PEX13: variants seen among roughly 807,000 people sequenced by gnomAD.
The protein encoded by PEX13 is peroxisome biogenesis factor 13.
In PEX13, 28 loss-of-function variants were observed where a neutral mutation model predicts 34.5. The observed-to-expected ratio is 0.81, with a 90% CI of 0.60 to 1.11. The LOEUF (loss-of-function observed/expected upper bound fraction) is 1.11, where lower values mean the gene tolerates loss of function less well. PEX13 is among the 50% of genes most tolerant of loss of function. The pLI is 0.00. For synonymous variants in PEX13, 177 were observed against 175.1 expected, an observed-to-expected ratio of 1.01 and a Z score of -0.09; for missense variants, 550 against 491.0, an observed-to-expected ratio of 1.12 and a Z score of -1.13.
chr2:61,040,935 G>C (rs565801430), intron 2 of PEX13, among the ~76,000 whole-genome samples: 1 of 151,632 alleles, frequency 6.6e-6, no homozygotes, highest in Non-Finnish European at 1.5e-5. Context: ...GGGCAGAAGA[G>C]ACCAATCAGG....
chr2:61,027,517 A>G (rs1355763776), intron 1 of PEX13, among the ~76,000 whole-genome samples: 1 of 152,188 alleles, frequency 6.6e-6, no homozygotes, highest in Non-Finnish European at 1.5e-5. Flanking sequence ...CAAATTTTAT[A>G]ATCTCTTTGT....
intron 1 of PEX13, among the ~76,000 whole-genome samples, chr2:61,026,030 C>T (rs544226625): frequency 6.6e-6 from 1 of 152,196 alleles, no homozygotes; most frequent in South Asian, 2.1e-4. Flanking sequence ...TCAACCATCT[C>T]TTCTGGAATT....
chr2:61,018,369 T>A, intron 1 of PEX13: 1 of 1,483,080 alleles, frequency 6.7e-7, no homozygotes, highest in Non-Finnish European at 9.0e-7. Flanking sequence ...AGCCAGTGTT[T>A]CGGATCGAGA....
intron 2 of PEX13, among the ~76,000 whole-genome samples, chr2:61,042,450 CAT>C (rs1245551384): frequency 2.6e-5 from 4 of 151,878 alleles, no homozygotes; most frequent in African/African-American, 9.7e-5. Flanking sequence ...CTTTGAGTGT[CAT>C]ATTTTCAAGG....
At chr2:61,018,533 C>T (rs1172946041) in intron 1 of PEX13, 5 of 349,202 alleles carry the variant, frequency 1.4e-5, no homozygotes, top group Non-Finnish European at 2.6e-5. Flanking sequence ...AAGGCTAAAA[C>T]ATGCAGAGTT....
Position 61,029,709 on chromosome 2 carries a change from G to A in PEX13, c.93-1710G>A, listed in dbSNP as rs544052882. Among the ~76,000 whole-genome samples the A allele has an allele frequency of 2.0e-5, 3 of 152,174 alleles. No individual in the cohort carries two copies. In the East Asian group the frequency reaches 5.8e-4, roughly 29 times the overall value. On this transcript the variant is annotated intron_variant, in intron 1 of 3. Transcript: ENST00000295030. ...CACCTGTTATCCTGACATTTTGGGA[G>A]GCTGAGGTGGGAGGATCACTTGAGG...
chr2:61,028,799 T>C (rs571754890), intron 1 of PEX13, among the ~76,000 whole-genome samples: 1 of 152,280 alleles, frequency 6.6e-6, no homozygotes, highest in African/African-American at 2.4e-5. Context: ...ACCAACCAAA[T>C]GCAGTGTGTG....
At chr2:61,042,978 G>A (rs1383523927) in intron 2 of PEX13, among the ~76,000 whole-genome samples, 3 of 152,160 alleles carry the variant, frequency 2.0e-5, no homozygotes, top group Non-Finnish European at 4.4e-5. Flanking sequence ...ATGGGAGTGA[G>A]TTCATTATCT....
intron 1 of PEX13, among the ~76,000 whole-genome samples, chr2:61,023,064 G>A (rs1217249238): frequency 6.6e-6 from 1 of 151,902 alleles, no homozygotes; most frequent in Non-Finnish European, 1.5e-5. Flanking sequence ...GAGTGCAGTG[G>A]TGCAGTCATG....
At chr2:61,018,099 T>C in intron 1 of PEX13, 2 of 1,543,304 alleles carry the variant, frequency 1.3e-6, no homozygotes, top group Non-Finnish European at 1.7e-6. Context: ...TCTCTCTGGG[T>C]CTCTGTGCTT....
chr2:61,030,891 T>C (rs565321667), intron 1 of PEX13, among the ~76,000 whole-genome samples: 22 of 152,322 alleles, frequency 1.4e-4, no homozygotes, highest in Non-Finnish European at 3.2e-4. Flanking sequence ...GAATAGCTGC[T>C]AATGAATATG....
At chr2:61,020,241 C>T (rs184103951) in intron 1 of PEX13, among the ~76,000 whole-genome samples, 1 of 152,152 alleles carries the variant, frequency 6.6e-6, no homozygotes, top group East Asian at 1.9e-4. Flanking sequence ...ACAACAACAA[C>T]AAAAAACTTA....
At position 61,031,664 on chromosome 2, in the gene PEX13, T is replaced by C. The variant is rs202077756; in HGVS notation, c.338T>C (p.Leu113Pro). 205 of 1,613,940 alleles carry C rather than the reference T, an allele frequency of 1.3e-4. No homozygotes were observed. The highest frequency in any genetic ancestry group is 6.4e-5 in the Non-Finnish European group (76 of 1,180,006). ...TACAACCGCCTCCGTGTAGATGATCTTCCACCCAGTAGATTTGTTCAGCAA... is the reference window on the plus strand; with the variant it reads ...TACAACCGCCTCCGTGTAGATGATCCTCCACCCAGTAGATTTGTTCAGCAA... ...LGYNRLRVDD[L>P]PPSRFVQQAE... Residue 113 changes from leucine (L) to proline (P), a missense_variant, in exon 2 of 4, where the codon CTT (leucine) becomes CCT (proline). Leu to Pro is a moderately conservative substitution (Grantham distance 98). Transcript: ENST00000295030.
rs61752115 is a variant in PEX13 at position 61,048,535 on chromosome 2, T to C, written c.977T>C (p.Ile326Thr). 4.3e-6 allele frequency: 7 copies of C among 1,614,162 alleles called. No homozygotes were observed. The highest frequency in any genetic ancestry group is 4.2e-6 in the Non-Finnish European group (5 of 1,179,996). Residue 326 changes from isoleucine (I) to threonine (T), a missense_variant, in exon 4 of 4, where the codon ATA becomes ACA. Ile to Thr is a moderately conservative substitution (Grantham distance 89, BLOSUM62 -1). Transcript: ENST00000295030. Reference sequence around the variant, plus strand: ...CTTGATGGCCAAACAACAGGACTTATACCTGCGAATTATGTCAAAATTCTT... The same window carrying C: ...CTTGATGGCCAAACAACAGGACTTACACCTGCGAATTATGTCAAAATTCTT... ...ASLDGQTTGL[I>T]PANYVKILGK... is the part of the protein sequence containing the mutation.
intron 1 of PEX13, among the ~76,000 whole-genome samples, chr2:61,020,768 C>T (rs1263307219): frequency 6.6e-6 from 1 of 152,102 alleles, no homozygotes. Flanking sequence ...GATTCTCCTG[C>T]CTCAGTCTCC....
chr2:61,018,884 T>G (rs1220854762), intron 1 of PEX13: 1 of 152,362 alleles, frequency 6.6e-6, no homozygotes, highest in East Asian at 1.9e-4. Context: ...GTTTTATTTT[T>G]TGCATCTGTT....
At chr2:61,047,103 A>T (rs1451273145) in intron 3 of PEX13, among the ~76,000 whole-genome samples, 1 of 151,878 alleles carries the variant, frequency 6.6e-6, no homozygotes, top group Non-Finnish European at 1.5e-5. Context: ...ACCTTGTCTC[A>T]AGAAAAAAAA....
In PEX13 at chr2:61,031,628, A is replaced by G. The variant is rs1680451583; in HGVS notation, c.302A>G (p.Asn101Ser). The change falls in exon 2 of 4, where the codon AAT (asparagine) becomes AGT (serine). Residue 101 changes from asparagine (N) to serine (S), a missense_variant. Coordinates refer to ENST00000295030, the MANE Select transcript of PEX13 (RefSeq NM_002618.4). Reference sequence around the variant, plus strand: ...TATAGTCCTTATAGTTATGGATATAATGGGCTGGGCTACAACCGCCTCCGT... The same window carrying G: ...TATAGTCCTTATAGTTATGGATATAGTGGGCTGGGCTACAACCGCCTCCGT... ...GGYSPYSYGY[N>S]GLGYNRLRVD... 1 of 1,614,154 alleles carries G rather than the reference A, an allele frequency of 6.2e-7. No homozygotes were observed. Among genetic ancestry groups the G allele is most frequent in the Non-Finnish European group, 8.5e-7 (1 of 1,180,012 alleles).
intron 1 of PEX13, among the ~76,000 whole-genome samples, chr2:61,023,685 C>T (rs1380130624): frequency 6.7e-6 from 1 of 150,000 alleles, no homozygotes; most frequent in Non-Finnish European, 1.5e-5. Flanking sequence ...GTCTAGAGAT[C>T]TGCCTTCTCA....
Sources: gnomAD v4.1 joint callset for allele counts (sites outside exome capture counted in the v4.1 genomes callset) on GRCh38, gnomAD v4.1.1 for gene constraint, MANE v1.5 for transcripts, NCBI Gene and HGNC (gene_info 2026-07-23, HGNC 2026-07-21) for gene names.